The following ARL15 variants were observed in gnomAD, a reference collection of about 807,000 sequenced individuals.
The protein encoded by ARL15 is ARF like GTPase 15.
ARL15 carries 19 observed loss-of-function variants against 25.2 expected under a neutral mutation model. The ratio of observed to expected loss-of-function variants is 0.75; its 90% confidence interval spans 0.53 to 1.10. The LOEUF (loss-of-function observed/expected upper bound fraction) is 1.10, where lower values mean the gene tolerates loss of function less well. Among genes scored for constraint, ARL15 ranks in the 50% least tolerant of loss-of-function variants. ARL15 has a pLI of 0.00. For synonymous variants in ARL15, 94 were observed against 86.8 expected (o/e 1.08, Z -0.46); for missense variants, 220 against 246.0 (o/e 0.89, Z 0.71).
chr5:54,092,385 A>G (rs904912399), intron 4 of ARL15, among the ~76,000 whole-genome samples: 22 of 152,230 alleles, frequency 1.4e-4, no homozygotes, highest in African/African-American at 5.3e-4. Flanking sequence ...GGGTGAAACA[A>G]GCACATACCT....
intron 2 of ARL15, among the ~76,000 whole-genome samples, chr5:54,159,792 T>C (rs1350244563): frequency 1.3e-5 from 2 of 152,238 alleles, no homozygotes; most frequent in South Asian, 2.1e-4. Flanking sequence ...ATTGTTTGCA[T>C]AGCCTTTCAG....
intron 4 of ARL15, among the ~76,000 whole-genome samples, chr5:54,088,053 T>C (rs1362205055): frequency 1.3e-5 from 2 of 152,192 alleles, no homozygotes; most frequent in South Asian, 2.1e-4. Flanking sequence ...TACAAAAATA[T>C]GATGCATCCT....
chr5:54,119,023 T>C (rs138632274), intron 3 of ARL15, among the ~76,000 whole-genome samples: 1 of 152,310 alleles, frequency 6.6e-6, no homozygotes, highest in African/African-American at 2.4e-5. Context: ...AACAATTGCA[T>C]TGAGGACCAT....
rs1176964926 is a variant in ARL15 at position 54,103,197 on chromosome 5, C to G, written c.462+10005G>C. ...TGTTGTCAAATATTTATATGTGTAC[C>G]AATTTAGATCTTGGAATTTCTACTA... On this transcript the variant is annotated intron_variant, in intron 4 of 4. Coordinates refer to ENST00000504924, the MANE Select transcript of ARL15 (RefSeq NM_019087.3). Among the ~76,000 whole-genome samples, 3 of 151,892 alleles carry G rather than the reference C, an allele frequency of 2.0e-5. No individual in the cohort carries two copies. In the East Asian group the frequency reaches 5.8e-4, roughly 29 times the overall value.
chr5:53,943,376 G>A (rs1486467025), intron 4 of ARL15, among the ~76,000 whole-genome samples: 2 of 152,158 alleles, frequency 1.3e-5, no homozygotes, highest in African/African-American at 4.8e-5. Context: ...CATCCACTGA[G>A]AAGGTGGAAG....
At chr5:54,118,334 C>A (rs1752968988) in intron 3 of ARL15, among the ~76,000 whole-genome samples, 1 of 152,150 alleles carries the variant, frequency 6.6e-6, no homozygotes, top group South Asian at 2.1e-4. Context: ...ACTGTAGAAG[C>A]AGATATGAGC....
chr5:54,006,471 ATTT>A (rs113755017), intron 4 of ARL15, among the ~76,000 whole-genome samples: 1 of 148,216 alleles, frequency 6.7e-6, no homozygotes, highest in African/African-American at 2.5e-5. Context: ...ATAACAATTG[ATTT>A]TTTTTTTTAA....
At chr5:54,142,590 A>G (rs76139106) in intron 3 of ARL15, among the ~76,000 whole-genome samples, 4 of 152,208 alleles carry the variant, frequency 2.6e-5, no homozygotes, top group East Asian at 1.9e-4. Context: ...TCCCTCTCCA[A>G]TGACCTCCCA....
intron 1 of ARL15, among the ~76,000 whole-genome samples, chr5:54,209,370 T>C (rs549318980): frequency 1.3e-5 from 2 of 150,600 alleles, no homozygotes; most frequent in African/African-American, 4.9e-5. Context: ...AATACAGTAG[T>C]TGAAATGGAG....
intron 4 of ARL15, among the ~76,000 whole-genome samples, chr5:53,908,127 G>A (rs997900935): frequency 1.3e-5 from 2 of 152,300 alleles, no homozygotes; most frequent in Non-Finnish European, 2.9e-5. Context: ...CAGAAAGAGA[G>A]ACCACATTTG....
chr5:54,046,971 C>CAAGGGCTTTCCTTTATA (rs1183578763), intron 4 of ARL15, among the ~76,000 whole-genome samples: 1 of 152,146 alleles, frequency 6.6e-6, no homozygotes, highest in African/African-American at 2.4e-5. Context: ...CGGTCTTTAT[C>CAAGGGCTTTCCTTTATA]AAGGGCTTTC....
At chr5:54,008,220 C>T (rs940179600) in intron 4 of ARL15, among the ~76,000 whole-genome samples, 3 of 152,008 alleles carry the variant, frequency 2.0e-5, no homozygotes, top group African/African-American at 7.2e-5. Context: ...GATGAGTAAC[C>T]ACCTAAGACA....
chr5:54,104,982 C>T (rs751909756), intron 4 of ARL15, among the ~76,000 whole-genome samples: 5 of 151,806 alleles, frequency 3.3e-5, no homozygotes, highest in Non-Finnish European at 7.4e-5. Context: ...TAACCCTTCT[C>T]ATTAGTCTCA....
intron 4 of ARL15, among the ~76,000 whole-genome samples, chr5:54,033,672 C>CA (rs772061280): frequency 0.03 from 2,205 of 72,870 alleles, 35 homozygotes; most frequent in African/African-American, 0.079. Flanking sequence ...AATTCCATCT[C>CA]AAAAAAAAAA....
chr5:54,294,321 A>G (rs941530837), intron 1 of ARL15, among the ~76,000 whole-genome samples: 1 of 152,176 alleles, frequency 6.6e-6, no homozygotes, highest in Non-Finnish European at 1.5e-5. Context: ...GCTGCTTTCA[A>G]ACTACTAAGG....
At chr5:53,947,305 G>A (rs1221984804) in intron 4 of ARL15, among the ~76,000 whole-genome samples, 1 of 151,162 alleles carries the variant, frequency 6.6e-6, no homozygotes, top group Non-Finnish European at 1.5e-5. Context: ...ATAATGCCAT[G>A]GTAAAAGCAT....
intron 4 of ARL15, among the ~76,000 whole-genome samples, chr5:53,946,469 A>AAG (rs1746735465): frequency 6.7e-6 from 1 of 149,870 alleles, no homozygotes; most frequent in East Asian, 1.9e-4. Flanking sequence ...AAAAAAAAAA[A>AAG]AAAAAAAAAA....
At chr5:54,135,639 T>C (rs946288316) in intron 3 of ARL15, among the ~76,000 whole-genome samples, 1 of 152,196 alleles carries the variant, frequency 6.6e-6, no homozygotes, top group Non-Finnish European at 1.5e-5. Context: ...ATGAAAACTC[T>C]TCAAACATGG....
At chr5:54,136,574 A>C (rs1011508851) in intron 3 of ARL15, among the ~76,000 whole-genome samples, 2 of 152,140 alleles carry the variant, frequency 1.3e-5, no homozygotes, top group South Asian at 2.1e-4. Context: ...TTGTGAGGGA[A>C]AAAAAAACAT....
Sources: gnomAD v4.1 joint callset for allele counts (sites outside exome capture counted in the v4.1 genomes callset) on GRCh38, gnomAD v4.1.1 for gene constraint, MANE v1.5 for transcripts, NCBI Gene and HGNC (gene_info 2026-07-23, HGNC 2026-07-21) for gene names.